Variants in ST18 observed in about 807,000 individuals in gnomAD.
ST18 encodes ST18 C2H2C-type zinc finger transcription factor, also known as suppression of tumorigenicity 18 protein.
ST18 carries 50 observed loss-of-function variants against 110.0 expected under a neutral mutation model. The observed-to-expected ratio is 0.45, with a 90% CI of 0.36 to 0.58. The LOEUF is 0.58. ST18 is among the 20% of genes least tolerant of loss of function. ST18 has a pLI of 0.00. For synonymous variants in ST18, 461 were observed against 452.4 expected (o/e 1.02, Z -0.24); for missense variants, 1,306 against 1,280.1 (o/e 1.02, Z -0.31).
chr8:52,169,719 G>A (rs1368563677), intron 10 of ST18, among the ~76,000 whole-genome samples: 1 of 152,102 alleles, frequency 6.6e-6, no homozygotes, highest in Non-Finnish European at 1.5e-5. Flanking sequence ...AATAGGAAAG[G>A]GAATACTCAG....
At chr8:52,327,300 G>C (rs1009361180) in intron 2 of ST18, among the ~76,000 whole-genome samples, 1 of 152,130 alleles carries the variant, frequency 6.6e-6, no homozygotes, top group African/African-American at 2.4e-5. Flanking sequence ...ATTTTTCTCA[G>C]TTCTTCTTAT....
At chr8:52,308,925 A>G (rs993503287) in intron 2 of ST18, among the ~76,000 whole-genome samples, 1 of 152,232 alleles carries the variant, frequency 6.6e-6, no homozygotes, top group African/African-American at 2.4e-5. Context: ...AGTGTTCGCC[A>G]TGGTACACAG....
chr8:52,310,698 C>T (rs556724898), intron 2 of ST18, among the ~76,000 whole-genome samples: 1 of 152,112 alleles, frequency 6.6e-6, no homozygotes, highest in African/African-American at 2.4e-5. Flanking sequence ...TCTACTGTTC[C>T]CAACCTTCTC....
chr8:52,265,595 G>A (rs1202238320), intron 2 of ST18, among the ~76,000 whole-genome samples: 1 of 152,178 alleles, frequency 6.6e-6, no homozygotes, highest in Non-Finnish European at 1.5e-5. Flanking sequence ...TTTGGGAATA[G>A]AATCCACAGA....
intron 2 of ST18, among the ~76,000 whole-genome samples, chr8:52,274,335 G>A (rs182116170): frequency 3.1e-4 from 47 of 152,066 alleles, no homozygotes; most frequent in Middle Eastern, 3.4e-3. Context: ...AATGTTTTAC[G>A]TAGATAAGAC....
chr8:52,258,419 CATTT>C (rs1190078948), intron 2 of ST18, among the ~76,000 whole-genome samples: 2 of 152,144 alleles, frequency 1.3e-5, no homozygotes, highest in East Asian at 3.8e-4. Context: ...CATGTCTTTC[CATTT>C]ATTTATTTTG....
Position 52,113,341 on chromosome 8 carries a change from A to C in ST18, c.3004-3T>G, listed in dbSNP as rs2041114134. 1 of 1,613,508 alleles carries C rather than the reference A, an allele frequency of 6.2e-7. No individual in the cohort carries two copies. The stretch of plus-strand genomic sequence containing the variant: ...AAATTCTGCTCACTGATAGGTCCCT[A>C]AATGGAGACAAAACACATTGACCCA... On this transcript the variant is annotated splice_polypyrimidine_tract_variant and splice_region_variant and intron_variant, in intron 25 of 25. Transcript: ENST00000689386.
At chr8:52,129,303 C>A (rs1272240687) in intron 22 of ST18, among the ~76,000 whole-genome samples, 2 of 150,912 alleles carry the variant, frequency 1.3e-5, no homozygotes, top group Non-Finnish European at 3.0e-5. Context: ...CCGTCTCTAC[C>A]AAAAATACAA....
chr8:52,177,888 G>T (rs540911830), intron 9 of ST18, among the ~76,000 whole-genome samples: 1 of 152,074 alleles, frequency 6.6e-6, no homozygotes, highest in South Asian at 2.1e-4. Context: ...TGGATTAATC[G>T]ATATCATTTA....
chr8:52,133,137 G>A lies in ST18; in HGVS notation c.2364C>T (p.Ser788=). The change falls in exon 21 of 26, where the codon AGC becomes AGT. Residue 788 remains serine (S), a splice_region_variant and synonymous_variant. Coordinates refer to ENST00000689386, the MANE Select transcript of ST18 (RefSeq NM_001352837.2). ...HVTGNYASHR[S]LSGCPRARKG... ...TCCTTGCACGAGGGCATCCGGACAA[G>A]CTGAAATAGGGACCCGACAAAGAAC... 1 of 1,614,192 alleles carries A rather than the reference G, an allele frequency of 6.2e-7. No homozygotes were observed. The highest frequency in any genetic ancestry group is 1.1e-5 in the South Asian group (1 of 91,082).
intron 15 of ST18, among the ~76,000 whole-genome samples, chr8:52,152,358 G>T (rs2059023938): frequency 6.6e-6 from 1 of 152,298 alleles, no homozygotes; most frequent in South Asian, 2.1e-4. Flanking sequence ...AGGAGGGAGG[G>T]GCTGGGGAAG....
chr8:52,111,385 A>G lies in ST18; in HGVS notation c.*1813T>C, dbSNP rs542137407. 70 of 166,330 alleles carry G rather than the reference A, an allele frequency of 4.2e-4. 1 individual carries two copies. The highest frequency in any genetic ancestry group is 1.3e-3 in the African/African-American group (57 of 42,322). 10.3% of individuals were successfully genotyped at this position (166,330 alleles called of 1,614,324 possible). On this transcript the variant is annotated 3_prime_UTR_variant, in exon 26 of 26. Transcript: ENST00000689386. The stretch of plus-strand genomic sequence containing the variant: ...GTCCCATTTATAATAGACAGCACAT[A>G]TGGTAGCTCATTTTTTAAAACTGAT...
rs915809636 is a variant in ST18, at chr8:52,113,296, G to C, written c.3046C>G (p.Leu1016Val). 1 of 1,613,892 alleles carries C rather than the reference G, an allele frequency of 6.2e-7. No homozygotes were observed. Among genetic ancestry groups the C allele is most frequent in the African/African-American group, 1.3e-5 (1 of 74,924 alleles). Residue 1016 changes from leucine (L) to valine (V), a missense_variant, in exon 26 of 26, where the codon CTC becomes GTC. Coordinates refer to ENST00000689386, the MANE Select transcript of ST18 (RefSeq NM_001352837.2). ...EQNFEAYVNT[L>V]TDMYSNLERD... ...TCCAGATTGCTGTACATATCTGTGA[G>C]TGTATTTACATATGCTTCAAAATTC...
At chr8:52,166,004 T>A (rs2133421510) in intron 11 of ST18, among the ~76,000 whole-genome samples, 1 of 152,216 alleles carries the variant, frequency 6.6e-6, no homozygotes, top group African/African-American at 2.4e-5. Context: ...TTGCTCCTAC[T>A]CAGGGCCCTC....
At chr8:52,303,498 G>A (rs756308615) in intron 2 of ST18, among the ~76,000 whole-genome samples, 2 of 152,190 alleles carry the variant, frequency 1.3e-5, no homozygotes, top group Non-Finnish European at 2.9e-5. Flanking sequence ...AGGTATCAGG[G>A]TTAAGACTTC....
At position 52,275,190 on chromosome 8, in the gene ST18, A is replaced by C. The variant is rs148881900; in HGVS notation, c.-464-45113T>G. Reference sequence around the variant, plus strand: ...GAGCTTCCATATTTTTTTTTACTTCAAGCAAAAACTAAAAATAAACCTTAA... The same window carrying C: ...GAGCTTCCATATTTTTTTTTACTTCCAGCAAAAACTAAAAATAAACCTTAA... On this transcript the variant is annotated intron_variant, in intron 2 of 25. Transcript: ENST00000689386. Among the ~76,000 whole-genome samples the C allele has an allele frequency of 6.7e-3, 1,023 of 152,208 alleles. 11 individuals are homozygous for C. The highest frequency in any genetic ancestry group is 0.023 in the African/African-American group (972 of 41,562).
intron 8 of ST18, among the ~76,000 whole-genome samples, chr8:52,193,348 TA>T: frequency 6.6e-6 from 1 of 152,308 alleles, no homozygotes; most frequent in East Asian, 1.9e-4. Flanking sequence ...TGATGGGCGT[TA>T]GCTGAATTCA....
chr8:52,284,170 T>A (rs1160566342), intron 2 of ST18, among the ~76,000 whole-genome samples: 1 of 152,186 alleles, frequency 6.6e-6, no homozygotes, highest in Admixed American at 6.5e-5. Flanking sequence ...AAAGGCTGAT[T>A]ATGGAATTCT....
chr8:52,247,530 A>G (rs1471522227), intron 2 of ST18, among the ~76,000 whole-genome samples: 2 of 152,194 alleles, frequency 1.3e-5, no homozygotes, highest in Non-Finnish European at 2.9e-5. Context: ...GGGGCAAAAT[A>G]TTTACAGCCA....
Sources: allele counts gnomAD v4.1 joint callset (sites outside exome capture counted in the v4.1 genomes callset), GRCh38; gene constraint gnomAD v4.1.1; transcripts MANE v1.5; gene names NCBI Gene and HGNC (gene_info 2026-07-23, HGNC 2026-07-21).